HIVEP3: variants seen among roughly 807,000 people sequenced by gnomAD.
HIVEP3 encodes the protein transcription factor HIVEP3.
In HIVEP3, 49 loss-of-function variants were observed where a neutral mutation model predicts 152.8. That is an observed-to-expected ratio of 0.32 (90% CI 0.26 to 0.41). The LOEUF is 0.41. Among genes scored for constraint, HIVEP3 ranks in the 10% least tolerant of loss-of-function variants. The pLI, the probability that HIVEP3 is intolerant of heterozygous loss-of-function variation, is 1.00. For missense variants in HIVEP3, 2,790 were observed against 3,103.3 expected, an observed-to-expected ratio of 0.90 and a Z score of 2.40; for synonymous variants, 1,269 against 1,289.0, an observed-to-expected ratio of 0.98 and a Z score of 0.33.
At chr1:41,559,273 C>A (rs1268061592) in intron 5 of HIVEP3, among the ~76,000 whole-genome samples, 1 of 152,220 alleles carries the variant, frequency 6.6e-6, no homozygotes, top group Non-Finnish European at 1.5e-5. Flanking sequence ...GGTCCCCCTT[C>A]TTCTGAGTCG....
At position 41,554,639 on chromosome 1, in the gene HIVEP3, G is replaced by C. The variant is rs140650124; in HGVS notation, c.5207+20905C>G. ...ATCTTTGTTGTTTTATCTACCTTTG[G>C]TCTTTGATGATGGTGATGTACAGAT... is the stretch of plus-strand genomic sequence containing the variant. On this transcript the variant is annotated intron_variant, in intron 5 of 8. Coordinates refer to ENST00000372583, the MANE Select transcript of HIVEP3 (RefSeq NM_024503.5). Among the ~76,000 whole-genome samples the C allele has an allele frequency of 3.6e-3, 544 of 152,240 alleles. 3 individuals are homozygous for C. Among genetic ancestry groups the C allele is most frequent in the African/African-American group, 0.012 (506 of 41,530 alleles).
chr1:42,034,753 C>T (rs1379755672), intron 1 of HIVEP3, among the ~76,000 whole-genome samples: 1 of 152,144 alleles, frequency 6.6e-6, no homozygotes, highest in African/African-American at 2.4e-5. Context: ...CTTATTTAAA[C>T]CTCAGTGTTT....
intron 1 of HIVEP3, among the ~76,000 whole-genome samples, chr1:41,845,421 A>ACACACACACG: frequency 1.1e-4 from 2 of 18,026 alleles, no homozygotes; most frequent in East Asian, 7.8e-4. Context: ...ACACACACGC[A>ACACACACACG]CACACACACA....
chr1:42,034,135 A>G (rs1645628202), intron 1 of HIVEP3, among the ~76,000 whole-genome samples: 1 of 152,244 alleles, frequency 6.6e-6, no homozygotes, highest in Non-Finnish European at 1.5e-5. Context: ...ATAAATTAGC[A>G]TGGGTGAAAA....
chr1:41,683,006 A>G (rs1295771366), intron 2 of HIVEP3, among the ~76,000 whole-genome samples: 2 of 152,222 alleles, frequency 1.3e-5, no homozygotes, highest in African/African-American at 2.4e-5. Context: ...CTTAAATGAG[A>G]GTTTACAAGA....
intron 1 of HIVEP3, among the ~76,000 whole-genome samples, chr1:41,983,513 G>A (rs1645305437): frequency 6.6e-6 from 1 of 152,120 alleles, no homozygotes; most frequent in Non-Finnish European, 1.5e-5. Flanking sequence ...AGAAGAAAAG[G>A]TATGGAGGAA....
At chr1:41,814,226 G>C (rs116111578) in intron 1 of HIVEP3, among the ~76,000 whole-genome samples, 62 of 152,320 alleles carry the variant, frequency 4.1e-4, no homozygotes, top group Admixed American at 1.1e-3. Context: ...TTCTGAGTGA[G>C]TGTCCCTCAG....
At chr1:41,978,689 G>T (rs4660591) in intron 1 of HIVEP3, among the ~76,000 whole-genome samples, 88,461 of 152,010 alleles carry the variant, frequency 0.58, 26,113 homozygotes, top group East Asian at 0.71. Flanking sequence ...CAAAGGAGCA[G>T]CCACTCAGTG....
intron 1 of HIVEP3, among the ~76,000 whole-genome samples, chr1:41,739,151 G>A (rs775527000): frequency 9.2e-5 from 14 of 152,372 alleles, no homozygotes; most frequent in East Asian, 1.9e-4. Context: ...CAAGGAGCCC[G>A]CGCCGCCTCT....
intron 1 of HIVEP3, among the ~76,000 whole-genome samples, chr1:41,768,060 C>G (rs1366404900): frequency 6.6e-6 from 1 of 152,212 alleles, no homozygotes; most frequent in African/African-American, 2.4e-5. Context: ...GCACTGCATT[C>G]CAGGCCTAGC....
At chr1:41,516,283 C>T (rs897474505) in intron 7 of HIVEP3, among the ~76,000 whole-genome samples, 7 of 142,796 alleles carry the variant, frequency 4.9e-5, no homozygotes, top group Non-Finnish European at 9.4e-5. Context: ...GGCGCTAGCG[C>T]CCAGCCTGGC....
intron 1 of HIVEP3, among the ~76,000 whole-genome samples, chr1:41,751,933 T>C (rs1440420): frequency 0.86 from 131,161 of 152,110 alleles, 59,163 homozygotes; most frequent in Non-Finnish European, 1. Context: ...CTGTGGTGGG[T>C]GGAGGATCCA....
chr1:41,512,156 C>T (rs1011626202), intron 8 of HIVEP3, among the ~76,000 whole-genome samples: 2 of 151,984 alleles, frequency 1.3e-5, no homozygotes, highest in Non-Finnish European at 2.9e-5. Flanking sequence ...GATATGATAT[C>T]GTTTGGATAT....
At chr1:41,635,933 A>G (rs1468449688) in intron 2 of HIVEP3, among the ~76,000 whole-genome samples, 1 of 152,250 alleles carries the variant, frequency 6.6e-6, no homozygotes, top group Non-Finnish European at 1.5e-5. Context: ...ACTATAGAAG[A>G]AACTATAGAA....
At position 41,533,261 on chromosome 1, in the gene HIVEP3, C is replaced by T. The variant is rs980568306; in HGVS notation, c.5208-8351G>A. 3.9e-5 allele frequency among the ~76,000 whole-genome samples: 6 copies of T among 152,160 alleles called. No individual in the cohort carries two copies. The highest frequency in any genetic ancestry group is 1.2e-4 in the African/African-American group (5 of 41,440). On this transcript the variant is annotated intron_variant, in intron 5 of 8. Transcript: ENST00000372583. This position sits in a 1 kb window ranked among gnomAD's most constrained non-coding sequence, Gnocchi z 4.3. ...TGGACCTCCCCAAGCCTGAGGTAGA[C>T]CTGCCGGGCTCTGGGTCCAGCTCCT...
chr1:41,957,800 G>A (rs1032543171), intron 1 of HIVEP3, among the ~76,000 whole-genome samples: 1 of 152,144 alleles, frequency 6.6e-6, no homozygotes, highest in Non-Finnish European at 1.5e-5. Flanking sequence ...CCTGAGTCAG[G>A]GTAGGACATG....
At chr1:41,522,327 G>A (rs1642780601) in intron 6 of HIVEP3, among the ~76,000 whole-genome samples, 1 of 152,230 alleles carries the variant, frequency 6.6e-6, no homozygotes, top group Non-Finnish European at 1.5e-5. Flanking sequence ...TGCTTCCATT[G>A]CCACCATCCC....
chr1:41,640,055 G>T (rs1474914650), intron 2 of HIVEP3, among the ~76,000 whole-genome samples: 2 of 152,140 alleles, frequency 1.3e-5, no homozygotes, highest in Non-Finnish European at 2.9e-5. Flanking sequence ...TTAGTGGCAG[G>T]TAGGAATATA....
intron 1 of HIVEP3, among the ~76,000 whole-genome samples, chr1:41,714,635 C>T (rs1023205084): frequency 6.6e-6 from 1 of 152,178 alleles, no homozygotes; most frequent in East Asian, 1.9e-4. Flanking sequence ...GGACACCTGG[C>T]CCCAGCTCAC....
Sources: gnomAD v4.1 joint callset for allele counts (sites outside exome capture counted in the v4.1 genomes callset) on GRCh38, gnomAD v4.1.1 for gene constraint, Gnocchi (gnomAD v3.1) non-coding constraint, MANE v1.5 for transcripts, NCBI Gene and HGNC (gene_info 2026-07-23, HGNC 2026-07-21) for gene names.